CLDN14: variants seen among roughly 807,000 people sequenced by gnomAD.
CLDN14 encodes the protein claudin-14.
In CLDN14, 2 loss-of-function variants were observed where a neutral mutation model predicts 2.1. The ratio of observed to expected loss-of-function variants is 0.96; its 90% CI spans 0.39 to 3.01. The LOEUF is 3.01. Ranked by LOEUF, CLDN14 falls within the 30% of genes most tolerant of loss-of-function variation. CLDN14 has a pLI of 0.09. For missense variants in CLDN14, 298 were observed against 328.0 expected, an observed-to-expected ratio of 0.91 and a Z score of 0.71; for synonymous variants, 136 against 154.4, an observed-to-expected ratio of 0.88 and a Z score of 0.88.
intron 1 of CLDN14, among the ~76,000 whole-genome samples, chr21:36,555,525 C>G (rs1012375644): frequency 6.6e-6 from 1 of 152,156 alleles, no homozygotes; most frequent in Non-Finnish European, 1.5e-5. Flanking sequence ...TTTGTAAAAC[C>G]AAAGAGTGCA....
In CLDN14 at chr21:36,461,523, C is replaced by T; in HGVS notation, c.173G>A (p.Ser58Asn). 6.2e-7 allele frequency: 1 copy of T among 1,613,426 alleles called. No homozygotes were observed. The highest frequency in any genetic ancestry group is 1.1e-5 in the South Asian group (1 of 91,086). The stretch of plus-strand genomic sequence containing the variant: ...GATCTGGCACTGGTAGATGCCTGTG[C>T]TGTGCCACACACACTCCATCCAGAG... Reference protein sequence around the residue: ...KGLWMECVWHSTGIYQCQIYR... With the variant: ...KGLWMECVWHNTGIYQCQIYR... The change falls in exon 2 of 2, where the codon AGC becomes AAC. Residue 58 changes from serine to asparagine, a missense_variant. By Grantham distance (46) the Ser-to-Asn change is conservative (BLOSUM62 1). Transcript: ENST00000399135.
intron 1 of CLDN14, among the ~76,000 whole-genome samples, chr21:36,528,821 G>A (rs1380574677): frequency 3.3e-5 from 5 of 152,198 alleles, no homozygotes; most frequent in Non-Finnish European, 7.3e-5. Flanking sequence ...TCTGGAAACA[G>A]CTTCCTCCCT....
intron 1 of CLDN14, among the ~76,000 whole-genome samples, chr21:36,565,902 A>T (rs577112936): frequency 2.6e-5 from 4 of 152,350 alleles, no homozygotes; most frequent in African/African-American, 9.6e-5. Context: ...GACATTGGGA[A>T]CCAGTGGTCA....
At chr21:36,487,659 A>G (rs2086911761) in intron 2 of CLDN14, 1 of 152,222 alleles carries the variant, frequency 6.6e-6, no homozygotes, top group African/African-American at 2.4e-5. Context: ...TTCATGTTGC[A>G]GCTTCTTTGG....
intron 2 of CLDN14, among the ~76,000 whole-genome samples, chr21:36,500,616 G>C (rs987904604): frequency 6.6e-6 from 1 of 152,090 alleles, no homozygotes; most frequent in Non-Finnish European, 1.5e-5. Context: ...ATTTTTAGTA[G>C]AGATGAGGTT....
chr21:36,464,873 A>G (rs2086625749), intron 1 of CLDN14, among the ~76,000 whole-genome samples: 1 of 152,254 alleles, frequency 6.6e-6, no homozygotes, highest in Non-Finnish European at 1.5e-5. Flanking sequence ...TTCCCCTTTA[A>G]GAAACACTAC....
intron 1 of CLDN14, among the ~76,000 whole-genome samples, chr21:36,477,931 C>T (rs1347495020): frequency 2.0e-5 from 3 of 152,210 alleles, no homozygotes; most frequent in Non-Finnish European, 4.4e-5. Context: ...AGTTTGAAAA[C>T]GCCAAGAATC....
At chr21:36,504,508 C>T (rs569455396) in intron 2 of CLDN14, among the ~76,000 whole-genome samples, 24 of 152,136 alleles carry the variant, frequency 1.6e-4, no homozygotes, top group Non-Finnish European at 4.4e-5. Flanking sequence ...AATAATTCAC[C>T]CCCTTTAAAG....
At chr21:36,472,235 G>A (rs1053607524) in intron 1 of CLDN14, among the ~76,000 whole-genome samples, 1 of 152,220 alleles carries the variant, frequency 6.6e-6, no homozygotes, top group Non-Finnish European at 1.5e-5. Flanking sequence ...CCGAGCCAAG[G>A]TGGTGGAAAT....
chr21:36,529,592 T>C (rs562725871), intron 1 of CLDN14, among the ~76,000 whole-genome samples: 1 of 152,080 alleles, frequency 6.6e-6, no homozygotes, highest in South Asian at 2.1e-4. Context: ...ACCCATAGAT[T>C]AATATGTGTC....
chr21:36,484,039 C>T (rs1185893296), upstream of CLDN14, among the ~76,000 whole-genome samples: 1 of 152,172 alleles, frequency 6.6e-6, no homozygotes, highest in African/African-American at 2.4e-5. Context: ...GAGGAGGATG[C>T]AGGACTTATG....
At chr21:36,483,725 T>C (rs1289371066), upstream of CLDN14, among the ~76,000 whole-genome samples, 2 of 152,182 alleles carry the variant, frequency 1.3e-5, no homozygotes, top group African/African-American at 4.8e-5. Flanking sequence ...TTATCCATCG[T>C]AGGTATTGCC....
At chr21:36,549,447 G>A (rs897405088) in intron 1 of CLDN14, among the ~76,000 whole-genome samples, 3 of 152,214 alleles carry the variant, frequency 2.0e-5, no homozygotes, top group African/African-American at 7.2e-5. Flanking sequence ...CCCCGGGTAA[G>A]GGGAGCTGCC....
chr21:36,522,618 G>T (rs764474609), intron 1 of CLDN14, among the ~76,000 whole-genome samples: 5 of 152,236 alleles, frequency 3.3e-5, no homozygotes, highest in Admixed American at 6.5e-5. Flanking sequence ...AGATGCGCGG[G>T]GGAGGTAACC....
At chr21:36,468,048 T>C (rs1007411697) in intron 1 of CLDN14, among the ~76,000 whole-genome samples, 3 of 152,222 alleles carry the variant, frequency 2.0e-5, no homozygotes, top group Non-Finnish European at 4.4e-5. Flanking sequence ...CCATTATATA[T>C]GTTTGCCCTC....
chr21:36,485,898 G>T, intron 2 of CLDN14: 1 of 709,634 alleles, frequency 1.4e-6, no homozygotes, highest in Non-Finnish European at 2.3e-6. Context: ...GGCTGTAATG[G>T]TTACAGATAA....
intron 1 of CLDN14, among the ~76,000 whole-genome samples, chr21:36,476,761 C>T (rs2086785068): frequency 6.6e-6 from 1 of 152,232 alleles, no homozygotes; most frequent in Non-Finnish European, 1.5e-5. Flanking sequence ...CATGGATGAC[C>T]TTTGAAAACA....
rs751427421 is a variant in CLDN14, at chr21:36,461,031, G to A, written c.665C>T (p.Ala222Val). ...QPPAAYKDNR[A>V]PSVTSATHSG... ...GTGCGTGGCCGAGGTCACTGAGGGG[G>A]CCCGATTGTCTTTGTAGGCAGCTGG... The change falls in exon 2 of 2, where the codon GCC becomes GTC. Residue 222 changes from alanine to valine, a missense_variant. By Grantham distance (64) the Ala-to-Val change is moderately conservative. Transcript: ENST00000399135. 2 of 1,613,578 alleles carry A rather than the reference G, an allele frequency of 1.2e-6. No individual in the cohort carries two copies. The highest frequency in any genetic ancestry group is 1.7e-5 in the Admixed American group (1 of 60,010).
intron 1 of CLDN14, among the ~76,000 whole-genome samples, chr21:36,464,285 G>A (rs975361184): frequency 1.3e-5 from 2 of 152,172 alleles, no homozygotes; most frequent in Non-Finnish European, 2.9e-5. Context: ...CAGCTTGTGA[G>A]AGCCAATGAA....
Sources: allele counts gnomAD v4.1 joint callset (sites outside exome capture counted in the v4.1 genomes callset), GRCh38; gene constraint gnomAD v4.1.1; transcripts MANE v1.5; gene names NCBI Gene and HGNC (gene_info 2026-07-23, HGNC 2026-07-21).